The following PPM1K variants were observed in gnomAD, a reference collection of about 807,000 sequenced individuals.
PPM1K encodes the protein protein phosphatase Mn(2+)-dependent 1K.
PPM1K carries 19 observed loss-of-function variants against 32.6 expected under a neutral mutation model. The ratio of observed to expected loss-of-function variants is 0.58; its 90% CI spans 0.41 to 0.86. The LOEUF (loss-of-function observed/expected upper bound fraction) is 0.86, where lower values mean the gene tolerates loss of function less well. PPM1K is among the 40% of genes least tolerant of loss of function. The pLI, the probability that PPM1K is intolerant of heterozygous loss-of-function variation, is 0.00. For missense variants in PPM1K, 362 were observed against 461.2 expected (o/e 0.78, Z 1.97); for synonymous variants, 159 against 165.3 (o/e 0.96, Z 0.29).
At chr4:88,277,275 A>G (rs1054976447) in intron 2 of PPM1K, 32 bp from the exon 3 acceptor site, 1 of 1,441,204 alleles carries the variant, frequency 6.9e-7, no homozygotes. Flanking sequence ...AGCCTTAAAC[A>G]ATCATTTTAC....
chr4:88,272,495 G>A (rs971880862), intron 3 of PPM1K, among the ~76,000 whole-genome samples: 1 of 152,162 alleles, frequency 6.6e-6, no homozygotes, highest in Non-Finnish European at 1.5e-5. Flanking sequence ...ACTCTGAAGA[G>A]CTTATAGGAA....
chr4:88,267,375 T>C (rs1301655469), intron 5 of PPM1K, among the ~76,000 whole-genome samples: 1 of 151,450 alleles, frequency 6.6e-6, no homozygotes, highest in African/African-American at 2.4e-5. Context: ...TGTGTGCAGG[T>C]GATGCTGGAT....
Position 88,261,469 on chromosome 4 carries a change from T to G in PPM1K, c.*1126A>C, listed in dbSNP as rs1731111085. On this transcript the variant is annotated 3_prime_UTR_variant, in exon 7 of 7. Coordinates refer to ENST00000608933, the MANE Select transcript of PPM1K (RefSeq NM_152542.5). ...AGCGTTAGAGATAACAAATGAGAACTTCATACAAAATACTTGATTCCATCA... is the reference window on the plus strand; with the variant it reads ...AGCGTTAGAGATAACAAATGAGAACGTCATACAAAATACTTGATTCCATCA... 6.6e-6 allele frequency: 1 copy of G among 152,146 alleles called. No homozygotes were observed. Among genetic ancestry groups the G allele is most frequent in the Admixed American group, 6.6e-5 (1 of 15,262 alleles). 9.4% of individuals were successfully genotyped at this position (152,146 alleles called of 1,614,324 possible).
chr4:88,267,841 G>A (rs6843634), intron 5 of PPM1K, among the ~76,000 whole-genome samples: 65,502 of 152,026 alleles, frequency 0.43, 14,255 homozygotes, highest in Middle Eastern at 0.48. Context: ...CACTGCCTTG[G>A]AAGAGAAATA....
chr4:88,278,255 C>T lies in PPM1K; in HGVS notation c.329G>A (p.Arg110Gln), dbSNP rs368718539. 7 of 1,614,160 alleles carry T rather than the reference C, an allele frequency of 4.3e-6. No individual in the cohort carries two copies. The highest frequency in any genetic ancestry group is 5.9e-6 in the Non-Finnish European group (7 of 1,180,016). The change falls in exon 2 of 7, where the codon CGG (arginine) becomes CAG (glutamine). Residue 110 changes from arginine (R) to glutamine (Q), a missense_variant. Coordinates refer to ENST00000608933, the MANE Select transcript of PPM1K (RefSeq NM_152542.5). This position sits in a 1 kb window ranked among gnomAD's most constrained non-coding sequence, Gnocchi z 4.2. ...QIGKRKENEDRFDFAQLTDEV... is the reference protein window; with the variant it reads ...QIGKRKENEDQFDFAQLTDEV... The stretch of plus-strand genomic sequence containing the variant: ...ATCTGTCAGCTGAGCGAAGTCAAAC[C>T]GATCTTCATTCTCTTTCCGTTTGCC...
chr4:88,268,733 G>A lies in PPM1K; in HGVS notation c.707+8C>T, dbSNP rs1389320303. ...TAGAATGATATGATGGATCAGTGGT[G>A]GTAGTACCTTTCTTTTTCATCTTTT... is the stretch of plus-strand genomic sequence containing the variant. On this transcript the variant is annotated splice_region_variant and intron_variant, in intron 4 of 6. Coordinates refer to ENST00000608933, the MANE Select transcript of PPM1K (RefSeq NM_152542.5). 6.2e-7 allele frequency: 1 copy of A among 1,612,052 alleles called. No homozygotes were observed. Among genetic ancestry groups the A allele is most frequent in the Admixed American group, 1.7e-5 (1 of 59,940 alleles).
intron 2 of PPM1K, chr4:88,277,798 G>A (rs1731842410): frequency 1.1e-5 from 3 of 284,494 alleles, no homozygotes; most frequent in Non-Finnish European, 1.3e-5. Context: ...ACTTGAAAGA[G>A]TAATTACCAT....
chr4:88,262,702 T>C lies in PPM1K; in HGVS notation c.1012A>G (p.Asn338Asp), dbSNP rs763869542. 1 of 1,613,932 alleles carries C rather than the reference T, an allele frequency of 6.2e-7. No individual in the cohort carries two copies. The change falls in exon 7 of 7, where the codon AAC (asparagine) becomes GAC (aspartate). Residue 338 changes from asparagine to aspartate, a missense_variant. Asn to Asp is a conservative substitution (Grantham distance 23). Coordinates refer to ENST00000608933, the MANE Select transcript of PPM1K (RefSeq NM_152542.5). ...AAAGGCACTACTACTGCAGTACTGT[T>C]ATCCTCAGTACCGTACTGTATTGCC... ...EQAIQYGTED[N>D]STAVVVPFGA...
chr4:88,267,693 C>A (rs1361374411), intron 5 of PPM1K, among the ~76,000 whole-genome samples: 1 of 152,232 alleles, frequency 6.6e-6, no homozygotes, highest in African/African-American at 2.4e-5. Context: ...CAGCAGGCAC[C>A]AGAGAAATCT....
chr4:88,266,434 G>GCTGA (rs1304515127), intron 5 of PPM1K, among the ~76,000 whole-genome samples: 1 of 150,452 alleles, frequency 6.6e-6, no homozygotes, highest in Non-Finnish European at 1.5e-5. Flanking sequence ...GGTGATGCTG[G>GCTGA]CTGGGTGCAG....
chr4:88,264,971 G>A, intron 6 of PPM1K, 30 bp downstream of exon 6: 1 of 1,611,992 alleles, frequency 6.2e-7, no homozygotes, highest in Non-Finnish European at 8.5e-7. Context: ...CCTTCTCCTT[G>A]GGACTTTTCA....
rs150243207 is a variant in PPM1K, at chr4:88,270,740, T to C, written c.542-1834A>G. On this transcript the variant is annotated intron_variant, in intron 3 of 6. Transcript: ENST00000608933. ...GTAGAAGTTTAGTTATTTAGGCTTG[T>C]AATTTATGGCTCTGTCACCTAGGAA... Among the ~76,000 whole-genome samples the C allele has an allele frequency of 4.6e-5, 7 of 152,362 alleles. No individual in the cohort carries two copies. The East Asian group carries it at 1.3e-3, about 29-fold the overall frequency.
chr4:88,278,486 C>T lies in PPM1K; in HGVS notation c.98G>A (p.Arg33Gln), dbSNP rs371441971. The T allele has an allele frequency of 2.1e-5, 34 of 1,614,042 alleles. No individual in the cohort carries two copies. Among genetic ancestry groups the T allele is most frequent in the East Asian group, 4.5e-5 (2 of 44,892 alleles). Residue 33 changes from arginine to glutamine, a missense_variant, in exon 2 of 7, where the codon CGG (arginine) becomes CAG (glutamine). Arg to Gln is a conservative substitution (Grantham distance 43). Transcript: ENST00000608933. The surrounding 1 kb of genome is among the most constrained non-coding windows in gnomAD (Gnocchi z 4.2). ...LSSRLLQDDR[R>Q]VTPTCHSSTS... Reference sequence around the variant, plus strand: ...GGAGCTGTGGCACGTGGGTGTCACCCGCCTGTCGTCCTGCAGCAGGCGGGA... The same window carrying T: ...GGAGCTGTGGCACGTGGGTGTCACCTGCCTGTCGTCCTGCAGCAGGCGGGA...
chr4:88,282,599 C>T (rs568415294), intron 1 of PPM1K, among the ~76,000 whole-genome samples: 8 of 152,310 alleles, frequency 5.3e-5, no homozygotes, highest in African/African-American at 1.9e-4. Flanking sequence ...TACCTTCTTT[C>T]TCAATACCCT....
Position 88,268,264 on chromosome 4 carries a change from T to C in PPM1K, c.778A>G (p.Met260Val), listed in dbSNP as rs760148653. 1.2e-6 allele frequency: 2 copies of C among 1,614,176 alleles called. No individual in the cohort carries two copies. The highest frequency in any genetic ancestry group is 1.1e-5 in the South Asian group (1 of 91,074). The change falls in exon 5 of 7, where the codon ATG becomes GTG. Residue 260 changes from methionine (M) to valine (V), a missense_variant. Met to Val is a conservative substitution (Grantham distance 21, BLOSUM62 1). Transcript: ENST00000608933. ...GQPHVNGRLA[M>V]TRSIGDLDLK... ...TCCAAATCTCCAATACTTCTTGTCA[T>C]TGCAAGCCTGCCATTTACGTGAGGC... is the stretch of plus-strand genomic sequence containing the variant.
At chr4:88,267,785 C>T (rs899253558) in intron 5 of PPM1K, among the ~76,000 whole-genome samples, 1 of 152,214 alleles carries the variant, frequency 6.6e-6, no homozygotes, top group East Asian at 1.9e-4. Context: ...TGTCACTATG[C>T]AGGATCTATG....
intron 5 of PPM1K, among the ~76,000 whole-genome samples, chr4:88,266,829 T>C (rs1377083288): frequency 6.8e-6 from 1 of 147,654 alleles, no homozygotes; most frequent in African/African-American, 2.5e-5. Context: ...GATGACTGGG[T>C]GCAGGCGATG....
In PPM1K at chr4:88,264,982, G is replaced by A. The variant is rs199533514; in HGVS notation, c.987+19C>T. On this transcript the variant is annotated intron_variant, in intron 6 of 6. Transcript: ENST00000608933. ...CCTTCCTTCTCCTTGGGACTTTTCA[G>A]GCAGAAGCTCTGGGTCACCTGTTCA... 9.9e-6 allele frequency: 16 copies of A among 1,613,092 alleles called. No individual in the cohort carries two copies.
In PPM1K at chr4:88,268,655, C is replaced by T. The variant is rs549637185; in HGVS notation, c.707+86G>A. 5.9e-6 allele frequency: 8 copies of T among 1,354,632 alleles called. No individual in the cohort carries two copies. In the Middle Eastern group the frequency reaches 5.9e-4, roughly 100 times the overall value. The allele number at this position is 1,354,632 out of a possible 1,614,324, so 83.9% of individuals were successfully genotyped here. ...AAAAGAAAACCAAGTCACTGTTAAA[C>T]TTAACCATGACATCAGTTTAAAAAC... On this transcript the variant is annotated intron_variant, in intron 4 of 6. Transcript: ENST00000608933.
Sources: allele counts gnomAD v4.1 joint callset (sites outside exome capture counted in the v4.1 genomes callset), GRCh38; gene constraint gnomAD v4.1.1; non-coding constraint Gnocchi (gnomAD v3.1); transcripts MANE v1.5; gene names NCBI Gene and HGNC (gene_info 2026-07-23, HGNC 2026-07-21).